Variants in IL1RAPL2 observed in about 807,000 individuals in gnomAD.
IL1RAPL2 encodes the protein X-linked interleukin-1 receptor accessory protein-like 2.
In IL1RAPL2, 3 loss-of-function variants were observed where a neutral mutation model predicts 44.1. The ratio of observed to expected loss-of-function variants is 0.07; its 90% CI spans 0.03 to 0.18. The LOEUF (loss-of-function observed/expected upper bound fraction) is 0.18. Among genes scored for constraint, IL1RAPL2 ranks in the 10% least tolerant of loss-of-function variants. The pLI, the probability that IL1RAPL2 is intolerant of heterozygous loss-of-function variation, is 1.00. For missense variants in IL1RAPL2, 391 were observed against 496.4 expected, an observed-to-expected ratio of 0.79 and a Z score of 2.02; for synonymous variants, 181 against 178.8, an observed-to-expected ratio of 1.01 and a Z score of -0.10.
chrX:105,283,211 G>C (rs953016089), intron 5 of IL1RAPL2, among the ~76,000 whole-genome samples: 1 of 111,671 alleles, frequency 9.0e-6, no homozygotes, highest in Admixed American at 9.6e-5. Flanking sequence ...GAGTGAGCTT[G>C]AAGTATAATG....
At chrX:105,406,495 C>T in intron 5 of IL1RAPL2, 1 of 1,202,090 alleles carries the variant, frequency 8.3e-7, no homozygotes, top group Non-Finnish European at 1.1e-6. Context: ...AGGAATTTGT[C>T]CGATTTTTTG....
intron 5 of IL1RAPL2, among the ~76,000 whole-genome samples, chrX:105,290,639 G>A (rs2034605602): frequency 9.0e-6 from 1 of 111,545 alleles, no homozygotes; most frequent in Non-Finnish European, 1.9e-5. Context: ...TGGGAAGGGG[G>A]AAGAGAAAAG....
chrX:105,138,614 A>G (rs2033099228), intron 2 of IL1RAPL2, among the ~76,000 whole-genome samples: 1 of 111,304 alleles, frequency 9.0e-6, no homozygotes, highest in Non-Finnish European at 1.9e-5. Flanking sequence ...AGTACCTACT[A>G]TATACCAGGT....
At chrX:105,597,706 A>AC (rs1249503216) in intron 6 of IL1RAPL2, among the ~76,000 whole-genome samples, 4 of 111,316 alleles carry the variant, frequency 3.6e-5, no homozygotes, top group Non-Finnish European at 7.5e-5. Flanking sequence ...CTCCCACCAG[A>AC]CCCCACCTCC....
chrX:105,060,179 G>C (rs1476551488), intron 2 of IL1RAPL2, among the ~76,000 whole-genome samples: 3 of 111,398 alleles, frequency 2.7e-5, no homozygotes, highest in Non-Finnish European at 5.7e-5. Context: ...TTGTAGATTT[G>C]GGTGGGGACA....
intron 2 of IL1RAPL2, among the ~76,000 whole-genome samples, chrX:104,951,334 C>T (rs781645847): frequency 8.9e-6 from 1 of 112,038 alleles, no homozygotes; most frequent in Non-Finnish European, 1.9e-5. Flanking sequence ...AGCCCCATTA[C>T]CAAAAGGGAA....
At chrX:104,947,310 A>C (rs1336823988) in intron 2 of IL1RAPL2, among the ~76,000 whole-genome samples, 2 of 100,141 alleles carry the variant, frequency 2.0e-5, no homozygotes, top group Non-Finnish European at 4.0e-5. Flanking sequence ...TAGATTCTGG[A>C]TATTAGCCCT....
intron 6 of IL1RAPL2, among the ~76,000 whole-genome samples, chrX:105,690,198 C>G (rs1050260810): frequency 1.8e-5 from 2 of 109,240 alleles, no homozygotes; most frequent in African/African-American, 6.7e-5. Context: ...GCACATGTAC[C>G]CTAGAACTTA....
At chrX:104,875,435 T>C (rs1456728725) in intron 2 of IL1RAPL2, among the ~76,000 whole-genome samples, 13 of 111,401 alleles carry the variant, frequency 1.2e-4, no homozygotes, top group African/African-American at 4.2e-4. Context: ...TAAAATACAA[T>C]ATGAAAAAGA....
chrX:105,378,740 T>A (rs1371778763), intron 5 of IL1RAPL2, among the ~76,000 whole-genome samples: 3 of 112,260 alleles, frequency 2.7e-5, no homozygotes, highest in African/African-American at 9.7e-5. Flanking sequence ...GTCAGCCATT[T>A]ACCTTCTATT....
At chrX:105,313,106 C>T (rs966069180) in intron 5 of IL1RAPL2, among the ~76,000 whole-genome samples, 3 of 111,542 alleles carry the variant, frequency 2.7e-5, no homozygotes, top group Admixed American at 9.6e-5. Flanking sequence ...TCCAAAAGTT[C>T]AGCATACAGT....
chrX:105,703,359 G>A (rs2038136382), intron 6 of IL1RAPL2, among the ~76,000 whole-genome samples: 1 of 111,164 alleles, frequency 9.0e-6, no homozygotes, highest in Admixed American at 9.6e-5. Context: ...ATATTTTGAA[G>A]CAAAGTTGTG....
intron 6 of IL1RAPL2, among the ~76,000 whole-genome samples, chrX:105,576,864 G>T (rs1397176074): frequency 8.9e-6 from 1 of 111,783 alleles, no homozygotes; most frequent in Non-Finnish European, 1.9e-5. Context: ...TTTCCCTCAT[G>T]TAAGTGTATT....
In IL1RAPL2 at chrX:104,668,220, C is replaced by A. The variant is rs186414046; in HGVS notation, c.82+9225C>A. Reference sequence around the variant, plus strand: ...TAAAATTATAGGATATATATTGAATCCAGAAAGGAAATGTTGGTTAAGGCG... The same window carrying A: ...TAAAATTATAGGATATATATTGAATACAGAAAGGAAATGTTGGTTAAGGCG... On this transcript the variant is annotated intron_variant, in intron 2 of 10. Transcript: ENST00000372582. Among the ~76,000 whole-genome samples the A allele has an allele frequency of 2.6e-3, 287 of 111,019 alleles. 1 individual carries two copies. The highest frequency in any genetic ancestry group is 8.7e-3 in the African/African-American group (266 of 30,631).
At chrX:104,672,100 T>A (rs2148028491) in intron 2 of IL1RAPL2, among the ~76,000 whole-genome samples, 1 of 111,305 alleles carries the variant, frequency 9.0e-6, no homozygotes, top group African/African-American at 3.3e-5. Context: ...AATTGCTTTC[T>A]TTCTTTTTTT....
At chrX:105,673,547 A>G (rs1164391462) in intron 6 of IL1RAPL2, among the ~76,000 whole-genome samples, 1 of 111,503 alleles carries the variant, frequency 9.0e-6, no homozygotes, top group Non-Finnish European at 1.9e-5. Flanking sequence ...ATATACCACA[A>G]TTTCTTTATC....
chrX:105,376,404 G>T (rs1056633253), intron 5 of IL1RAPL2, among the ~76,000 whole-genome samples: 1 of 111,688 alleles, frequency 9.0e-6, no homozygotes, highest in African/African-American at 3.3e-5. Context: ...GGTCATGAAG[G>T]TTTTATATTA....
chrX:105,334,520 G>C (rs757924823), intron 5 of IL1RAPL2, among the ~76,000 whole-genome samples: 1 of 111,720 alleles, frequency 9.0e-6, no homozygotes, highest in South Asian at 3.7e-4. Flanking sequence ...AGTATAATTG[G>C]ATTGTAACAC....
At chrX:105,416,477 A>C (rs1359342706) in intron 5 of IL1RAPL2, among the ~76,000 whole-genome samples, 1 of 112,270 alleles carries the variant, frequency 8.9e-6, no homozygotes, top group African/African-American at 3.2e-5. Flanking sequence ...TCTGTCCTTC[A>C]GTATTTGTAT....
Sources: allele counts gnomAD v4.1 joint callset (sites outside exome capture counted in the v4.1 genomes callset), GRCh38; gene constraint gnomAD v4.1.1; transcripts MANE v1.5; gene names NCBI Gene and HGNC (gene_info 2026-07-23, HGNC 2026-07-21).